LAMB3: variants seen among roughly 807,000 people sequenced by gnomAD.
The protein encoded by LAMB3 is laminin subunit beta-3.
A neutral mutation model predicts 140.3 loss-of-function variants in LAMB3; 104 were observed. The observed-to-expected ratio is 0.74, with a 90% CI of 0.63 to 0.87. The LOEUF is 0.87. Among genes scored for constraint, LAMB3 ranks in the 40% least tolerant of loss-of-function variants. The probability of loss-of-function intolerance (pLI) is 0.00; values close to 1 mark genes in which losing one functional copy is unlikely to be tolerated. For missense variants in LAMB3, 1,531 were observed against 1,575.2 expected, an observed-to-expected ratio of 0.97 and a Z score of 0.47; for synonymous variants, 592 against 602.9, an observed-to-expected ratio of 0.98 and a Z score of 0.26.
Position 209,615,237 on chromosome 1 carries a change from A to G in LAMB3, c.*34T>C. On this transcript the variant is annotated 3_prime_UTR_variant, in exon 23 of 23. Transcript: ENST00000356082. ...GCCCCCAACCAAAAGCAAAGGCGGC[A>G]GATGAGTGGGGCAACGGGCTGGAAG... The G allele has an allele frequency of 6.2e-7, 1 of 1,613,844 alleles. No homozygotes were observed. The highest frequency in any genetic ancestry group is 1.1e-5 in the South Asian group (1 of 91,086).
chr1:209,632,150 T>C (rs1036196004), intron 8 of LAMB3, among the ~76,000 whole-genome samples: 5 of 152,200 alleles, frequency 3.3e-5, no homozygotes, highest in African/African-American at 1.2e-4. Context: ...ATCTCACCAC[T>C]AGCTGAGACT....
chr1:209,634,672 C>T, intron 5 of LAMB3, 34 bp from the exon 6 acceptor site: 1 of 1,569,546 alleles, frequency 6.4e-7, no homozygotes. Context: ...AGAGGGGAGG[C>T]ACTGGGGCTG....
At chr1:209,640,551 A>AG (rs908116094) in intron 3 of LAMB3, among the ~76,000 whole-genome samples, 1 of 151,882 alleles carries the variant, frequency 6.6e-6, no homozygotes, top group Non-Finnish European at 1.5e-5. Context: ...CTGTCTCAAA[A>AG]AAAAAAAAGT....
At chr1:209,649,637 C>T (rs565026729) in intron 3 of LAMB3, among the ~76,000 whole-genome samples, 1 of 152,280 alleles carries the variant, frequency 6.6e-6, no homozygotes. Context: ...ACATAAACGG[C>T]CAGTGTTTGG....
At chr1:209,642,727 C>G (rs2076480811) in intron 3 of LAMB3, among the ~76,000 whole-genome samples, 2 of 152,320 alleles carry the variant, frequency 1.3e-5, no homozygotes, top group East Asian at 3.9e-4. Flanking sequence ...GATCCACCCA[C>G]CCCAGCCTCC....
intron 14 of LAMB3, among the ~76,000 whole-genome samples, chr1:209,624,662 G>A (rs1286471231): frequency 1.3e-5 from 2 of 152,186 alleles, no homozygotes; most frequent in African/African-American, 4.8e-5. Context: ...CTGACTGCCC[G>A]AATCTGAGAC....
intron 22 of LAMB3, among the ~76,000 whole-genome samples, chr1:209,616,145 C>T (rs1218607399): frequency 6.6e-6 from 1 of 151,976 alleles, no homozygotes. Context: ...ATTATTCAAC[C>T]CCTATCAGAG....
chr1:209,620,369 T>C (rs964957467), intron 18 of LAMB3, among the ~76,000 whole-genome samples: 1 of 152,102 alleles, frequency 6.6e-6, no homozygotes, highest in South Asian at 2.1e-4. Flanking sequence ...CGCCATCTGA[T>C]AGGTCCAGGG....
chr1:209,643,294 C>T (rs958485714), intron 3 of LAMB3, among the ~76,000 whole-genome samples: 14 of 151,060 alleles, frequency 9.3e-5, no homozygotes, highest in Non-Finnish European at 3.0e-5. Flanking sequence ...GTGAGAATCT[C>T]TCATATGTGA....
chr1:209,622,454 G>A (rs1011045684), intron 18 of LAMB3, 82 bp downstream of exon 18: 1 of 1,532,244 alleles, frequency 6.5e-7, no homozygotes, highest in African/African-American at 1.4e-5. Context: ...AGGGAGGGAG[G>A]GCTGGCTGAT....
chr1:209,624,915 GA>G, intron 14 of LAMB3, among the ~76,000 whole-genome samples: 1 of 149,568 alleles, frequency 6.7e-6, no homozygotes, highest in Non-Finnish European at 1.5e-5. Context: ...AGGAAGGAAG[GA>G]AGGAAGGAAG....
intron 14 of LAMB3, among the ~76,000 whole-genome samples, chr1:209,624,438 C>G (rs1409509175): frequency 1.3e-5 from 2 of 152,228 alleles, no homozygotes; most frequent in African/African-American, 2.4e-5. Flanking sequence ...GGTCATCCCC[C>G]CGAAGGAGGC....
At chr1:209,622,953 T>C in intron 17 of LAMB3, 29 bp downstream of exon 17, 1 of 1,610,146 alleles carries the variant, frequency 6.2e-7, no homozygotes, top group South Asian at 1.1e-5. Flanking sequence ...TCCTCCTACC[T>C]GTGCCCACCC....
At position 209,629,884 on chromosome 1, in the gene LAMB3, G is replaced by T; in HGVS notation, c.985C>A (p.Pro329Thr). 6.2e-7 allele frequency: 1 copy of T among 1,614,160 alleles called. No individual in the cohort carries two copies. The highest frequency in any genetic ancestry group is 8.5e-7 in the Non-Finnish European group (1 of 1,180,034). ...NGHSETCHFD[P>T]AVFAASQGAY... ...CCCTGGCTGGCGGCAAACACAGCGG[G>T]GTCAAAGTGACATGTCTCTGAGTGC... The change falls in exon 10 of 23, where the codon CCC (proline) becomes ACC (threonine). Residue 329 changes from proline to threonine, a missense_variant. Pro to Thr is a conservative substitution (Grantham distance 38). Transcript: ENST00000356082.
Position 209,634,472 on chromosome 1 carries a change from G to T in LAMB3, c.539C>A (p.Pro180His). Reference protein sequence around the residue: ...DVRCQSLPQRPNARLNGGKVQ... With the variant: ...DVRCQSLPQRHNARLNGGKVQ... ...CTTCCCCCCATTTAGGCGTGCATTA[G>T]GCCTCTGAGGCAGGGACTGGCACCG... is the stretch of plus-strand genomic sequence containing the variant. The change falls in exon 6 of 23, where the codon CCT (proline) becomes CAT (histidine). Residue 180 changes from proline (P) to histidine (H), a missense_variant. By Grantham distance (77) the Pro-to-His change is moderately conservative. Coordinates refer to ENST00000356082, the MANE Select transcript of LAMB3 (RefSeq NM_000228.3). 1 of 1,614,088 alleles carries T rather than the reference G, an allele frequency of 6.2e-7. No individual in the cohort carries two copies. Among genetic ancestry groups the T allele is most frequent in the Non-Finnish European group, 8.5e-7 (1 of 1,180,014 alleles).
At chr1:209,626,749 A>C in intron 13 of LAMB3, 118 bp downstream of exon 13, 3 of 776,990 alleles carry the variant, frequency 3.9e-6, no homozygotes, top group South Asian at 2.9e-5. Flanking sequence ...CCAGGCCCAC[A>C]CCACATGCAT....
At chr1:209,616,710 T>C in intron 21 of LAMB3, 86 bp from the exon 22 acceptor site, 2 of 1,340,152 alleles carry the variant, frequency 1.5e-6, no homozygotes, top group African/African-American at 2.9e-5. Context: ...ATCACCCAAA[T>C]CAATACACAG....
chr1:209,627,544 T>C lies in LAMB3; in HGVS notation c.1324A>G (p.Met442Val). The C allele has an allele frequency of 6.2e-7, 1 of 1,614,064 alleles. No individual in the cohort carries two copies. The highest frequency in any genetic ancestry group is 8.5e-7 in the Non-Finnish European group (1 of 1,180,012). ...CGCCCACTCTCCTCGTCACACGGCATGTCCCTCCGGGACCCCAGGATGTTG... is the reference window on the plus strand; with the variant it reads ...CGCCCACTCTCCTCGTCACACGGCACGTCCCTCCGGGACCCCAGGATGTTG... ...DCNILGSRRD[M>V]PCDEESGRCL... Residue 442 changes from methionine to valine, a missense_variant, in exon 12 of 23, where the codon ATG becomes GTG. By Grantham distance (21) the Met-to-Val change is conservative. Transcript: ENST00000356082.
At chr1:209,621,666 T>C (rs1233639190) in intron 18 of LAMB3, among the ~76,000 whole-genome samples, 1 of 152,168 alleles carries the variant, frequency 6.6e-6, no homozygotes, top group Non-Finnish European at 1.5e-5. Context: ...ACCGTCCCCA[T>C]TTATAGAAGC....
Sources: gnomAD v4.1 joint callset for allele counts (sites outside exome capture counted in the v4.1 genomes callset) on GRCh38, gnomAD v4.1.1 for gene constraint, MANE v1.5 for transcripts, NCBI Gene and HGNC (gene_info 2026-07-23, HGNC 2026-07-21) for gene names.